Variants in OPHN1 observed in about 807,000 individuals in gnomAD.
OPHN1 encodes oligophrenin 1, also known as oligophrenin-1.
A neutral mutation model predicts 60.7 loss-of-function variants in OPHN1; 11 were observed. That is an observed-to-expected ratio of 0.18 (90% CI 0.11 to 0.30). The LOEUF is 0.30. Among genes scored for constraint, OPHN1 ranks in the 10% least tolerant of loss-of-function variants. The probability of loss-of-function intolerance (pLI) is 1.00; values close to 1 mark genes in which losing one functional copy is unlikely to be tolerated. For missense variants in OPHN1, 449 were observed against 611.0 expected, an observed-to-expected ratio of 0.73 and a Z score of 2.80; for synonymous variants, 226 against 222.6, an observed-to-expected ratio of 1.02 and a Z score of -0.14.
chrX:68,401,571 G>A (rs1448716413), intron 2 of OPHN1, among the ~76,000 whole-genome samples: 2 of 112,260 alleles, frequency 1.8e-5, no homozygotes, highest in Admixed American at 9.5e-5. Flanking sequence ...TCTTCCAAGA[G>A]CATCCAATGT....
intron 21 of OPHN1, among the ~76,000 whole-genome samples, chrX:68,063,527 A>C (rs1402669875): frequency 9.0e-6 from 1 of 111,433 alleles, no homozygotes. Context: ...TCTCAAAAAA[A>C]AAAAAAAAGA....
At position 68,261,963 on chromosome X, in the gene OPHN1, A is replaced by G. The variant is rs946129151; in HGVS notation, c.384+12775T>C. ...GTGTGGTTGATGGGAGTTGAGGGCT[A>G]AAAGGGTTAAGCAAGACAGAAGTGC... is the stretch of plus-strand genomic sequence containing the variant. On this transcript the variant is annotated intron_variant, in intron 5 of 24. Transcript: ENST00000355520. Among the ~76,000 whole-genome samples the G allele has an allele frequency of 5.4e-5, 6 of 111,934 alleles. 1 individual carries two copies. The highest frequency in any genetic ancestry group is 1.9e-4 in the African/African-American group (6 of 30,806).
chrX:68,365,280 G>C (rs1032780867), intron 2 of OPHN1, among the ~76,000 whole-genome samples: 1 of 109,701 alleles, frequency 9.1e-6, no homozygotes, highest in African/African-American at 3.3e-5. Context: ...AGTTTGCTAG[G>C]TACAAAAAGG....
chrX:68,162,913 A>T (rs770316063), intron 15 of OPHN1, among the ~76,000 whole-genome samples: 1 of 111,081 alleles, frequency 9.0e-6, no homozygotes, highest in Non-Finnish European at 1.9e-5. Flanking sequence ...ATAATAAAAC[A>T]TATTTTTAAG....
At chrX:68,173,406 C>G (rs1342334423) in intron 15 of OPHN1, among the ~76,000 whole-genome samples, 1 of 111,777 alleles carries the variant, frequency 8.9e-6, no homozygotes, top group African/African-American at 3.3e-5. Flanking sequence ...TTAAGCCTCT[C>G]CTACACAGTG....
intron 6 of OPHN1, among the ~76,000 whole-genome samples, chrX:68,216,483 G>C (rs1006646379): frequency 1.8e-5 from 2 of 110,631 alleles, no homozygotes; most frequent in African/African-American, 6.6e-5. Context: ...TTACCTAAAA[G>C]ATATCATTTT....
At chrX:68,427,279 AC>A (rs1215732000) in intron 2 of OPHN1, among the ~76,000 whole-genome samples, 2 of 107,388 alleles carry the variant, frequency 1.9e-5, no homozygotes, top group Non-Finnish European at 3.8e-5. Context: ...AAAAAAAAAA[AC>A]AACAACAACA....
chrX:68,255,126 G>A (rs1224911906), intron 5 of OPHN1, among the ~76,000 whole-genome samples: 1 of 108,461 alleles, frequency 9.2e-6, no homozygotes, highest in Non-Finnish European at 1.9e-5. Context: ...ACCCTGAGGT[G>A]AAGTCTAAGA....
intron 15 of OPHN1, among the ~76,000 whole-genome samples, chrX:68,169,322 G>A (rs1347105131): frequency 9.0e-6 from 1 of 111,413 alleles, no homozygotes; most frequent in South Asian, 3.8e-4. Flanking sequence ...TCATGGGTAG[G>A]AAGAATCAAT....
In OPHN1 at chrX:68,247,967, C is replaced by A. The variant is rs1365790549; in HGVS notation, c.385-13379G>T. 2.7e-5 allele frequency among the ~76,000 whole-genome samples: 3 copies of A among 111,190 alleles called. No homozygotes were observed. In the East Asian group the frequency reaches 8.5e-4, roughly 31 times the overall value. ...AATAGAAGGCTCCACCGATTGTCCC[C>A]CTCCACTGCAGTGACACCAAGTTAA... On this transcript the variant is annotated intron_variant, in intron 5 of 24. Coordinates refer to ENST00000355520, the MANE Select transcript of OPHN1 (RefSeq NM_002547.3).
chrX:68,113,382 C>T (rs753843732), intron 16 of OPHN1, 143 bp from the exon 17 acceptor site: 6 of 504,948 alleles, frequency 1.2e-5, no homozygotes, highest in African/African-American at 4.7e-5. Flanking sequence ...CCTGAAGCTT[C>T]GTCAGGGAAT....
chrX:68,299,786 T>G (rs965826681), intron 2 of OPHN1, among the ~76,000 whole-genome samples: 12 of 111,946 alleles, frequency 1.1e-4, no homozygotes, highest in Non-Finnish European at 2.1e-4. Context: ...TATATTTTAG[T>G]GTATAAGTTG....
At chrX:68,257,640 C>G (rs2077870840) in intron 5 of OPHN1, among the ~76,000 whole-genome samples, 1 of 112,112 alleles carries the variant, frequency 8.9e-6, no homozygotes, top group Non-Finnish European at 1.9e-5. Context: ...ACCTACACAG[C>G]TACCAATAGC....
chrX:68,359,074 TG>T (rs1404764476), intron 2 of OPHN1, among the ~76,000 whole-genome samples: 3 of 112,178 alleles, frequency 2.7e-5, no homozygotes, highest in Admixed American at 9.5e-5. Flanking sequence ...CCAAGGTTTT[TG>T]TTTTTACTTA....
At position 68,282,228 on chromosome X, in the gene OPHN1, C is replaced by T. The variant is rs190618186; in HGVS notation, c.312+828G>A. ...TGGTAAATCATACAATGGGATATTA[C>T]TTAATGATAAAAATAAATGACAGGA... On this transcript the variant is annotated intron_variant, in intron 4 of 24. Transcript: ENST00000355520. 7.5e-3 allele frequency among the ~76,000 whole-genome samples: 836 copies of T among 112,030 alleles called. 10 individuals carry two copies. The highest frequency in any genetic ancestry group is 0.025 in the African/African-American group (787 of 30,895).
At chrX:68,166,304 C>T (rs923841661) in intron 15 of OPHN1, among the ~76,000 whole-genome samples, 1 of 111,884 alleles carries the variant, frequency 8.9e-6, no homozygotes, top group Admixed American at 9.5e-5. Flanking sequence ...GAGGCTGAGG[C>T]GGGTGGATAA....
chrX:68,387,051 G>C (rs965668724), intron 2 of OPHN1, among the ~76,000 whole-genome samples: 8 of 111,439 alleles, frequency 7.2e-5, no homozygotes, highest in African/African-American at 1.6e-4. Flanking sequence ...AAATATCAGA[G>C]AACAATAAAC....
chrX:68,226,273 C>T (rs182180857), intron 6 of OPHN1, among the ~76,000 whole-genome samples: 10 of 111,668 alleles, frequency 9.0e-5, no homozygotes, highest in African/African-American at 3.3e-4. Flanking sequence ...CTGAAAGTGA[C>T]GGCGAGAATG....
rs1243044553 is a variant in OPHN1, at chrX:68,072,557, G to A, written c.1834+595C>T. On this transcript the variant is annotated intron_variant, in intron 20 of 24. Coordinates refer to ENST00000355520, the MANE Select transcript of OPHN1 (RefSeq NM_002547.3). ...GTGTCAGATGCTACTCACAAACTGAGTATGATGAGAACAATGTTGTAGCTA... is the reference window on the plus strand; with the variant it reads ...GTGTCAGATGCTACTCACAAACTGAATATGATGAGAACAATGTTGTAGCTA... Among the ~76,000 whole-genome samples, 3 of 111,590 alleles carry A rather than the reference G, an allele frequency of 2.7e-5. No homozygotes were observed. The East Asian group carries it at 8.5e-4, about 32-fold the overall frequency.
Sources: allele counts gnomAD v4.1 joint callset (sites outside exome capture counted in the v4.1 genomes callset), GRCh38; gene constraint gnomAD v4.1.1; transcripts MANE v1.5; gene names NCBI Gene and HGNC (gene_info 2026-07-23, HGNC 2026-07-21).